KCNU1: variants seen among roughly 807,000 people sequenced by gnomAD.
KCNU1 encodes the protein potassium channel subfamily U member 1.
In KCNU1, 93 loss-of-function variants were observed where a neutral mutation model predicts 126.8. The ratio of observed to expected loss-of-function variants is 0.73; its 90% CI spans 0.62 to 0.87. The LOEUF is 0.87. Ranked by LOEUF, KCNU1 falls within the 40% of genes least tolerant of loss-of-function variation. The pLI, the probability that KCNU1 is intolerant of heterozygous loss-of-function variation, is 0.00. For synonymous variants in KCNU1, 523 were observed against 494.2 expected (o/e 1.06, Z -0.77); for missense variants, 1,330 against 1,367.1 (o/e 0.97, Z 0.43).
chr8:36,848,814 G>A (rs1401429859), intron 18 of KCNU1, among the ~76,000 whole-genome samples: 3 of 151,896 alleles, frequency 2.0e-5, no homozygotes, highest in Admixed American at 6.6e-5. Flanking sequence ...CTCCTTGCAC[G>A]TCAGACAAAT....
intron 19 of KCNU1, among the ~76,000 whole-genome samples, chr8:36,903,083 C>T (rs1285168343): frequency 1.3e-5 from 2 of 152,162 alleles, no homozygotes; most frequent in African/African-American, 4.8e-5. Flanking sequence ...ATTACCCTCT[C>T]TGACTTTCCA....
intron 18 of KCNU1, among the ~76,000 whole-genome samples, chr8:36,863,717 G>T (rs956787801): frequency 4.6e-5 from 7 of 152,100 alleles, no homozygotes; most frequent in African/African-American, 1.7e-4. Context: ...GGTTCAGGAA[G>T]AAGTAATGGC....
chr8:36,872,708 A>G (rs1256303070), intron 19 of KCNU1, among the ~76,000 whole-genome samples: 1 of 152,228 alleles, frequency 6.6e-6, no homozygotes. Context: ...AATTGAAGTC[A>G]AGGTCTGGAG....
At chr8:36,883,673 C>G (rs2117407851) in intron 19 of KCNU1, among the ~76,000 whole-genome samples, 1 of 152,196 alleles carries the variant, frequency 6.6e-6, no homozygotes, top group East Asian at 1.9e-4. Context: ...TGCCTGTAGT[C>G]CCAGCTACTT....
intron 19 of KCNU1, among the ~76,000 whole-genome samples, chr8:36,897,960 C>T (rs1432037041): frequency 1.3e-5 from 2 of 152,062 alleles, no homozygotes; most frequent in African/African-American, 4.8e-5. Flanking sequence ...CTTGATAGGT[C>T]GCTGGTACTA....
intron 19 of KCNU1, among the ~76,000 whole-genome samples, chr8:36,901,535 G>A (rs1807418775): frequency 6.6e-6 from 1 of 152,032 alleles, no homozygotes; most frequent in South Asian, 2.1e-4. Context: ...GCATATCAAA[G>A]CAACCCAAAG....
chr8:36,804,131 A>G lies in KCNU1; in HGVS notation c.377+43A>G, dbSNP rs376947724. 1.5e-4 allele frequency: 195 copies of G among 1,329,622 alleles called. No homozygotes were observed. In the African/African-American group the frequency reaches 2.4e-3, roughly 16 times the overall value. 82.4% of individuals were successfully genotyped at this position (1,329,622 alleles called of 1,614,324 possible). A position where few individuals can be genotyped will look rare whatever the true frequency, so the allele number is the denominator to read the frequency against. On this transcript the variant is annotated intron_variant, in intron 3 of 26. Coordinates refer to ENST00000399881, the MANE Select transcript of KCNU1 (RefSeq NM_001031836.3). ...TCACACTTGTCTGCTATATCAGTAC[A>G]TTGCTCGGCTAATTTGGAATTTTCT...
chr8:36,854,608 G>A (rs1805467571), intron 18 of KCNU1, among the ~76,000 whole-genome samples: 1 of 151,296 alleles, frequency 6.6e-6, no homozygotes, highest in Non-Finnish European at 1.5e-5. Context: ...TCTATTTTGT[G>A]AGACATCATT....
At chr8:36,826,033 T>G (rs1470056850) in intron 10 of KCNU1, among the ~76,000 whole-genome samples, 1 of 152,050 alleles carries the variant, frequency 6.6e-6, no homozygotes, top group African/African-American at 2.4e-5. Context: ...GATTGGTGTC[T>G]TTGATCATTT....
At chr8:36,848,517 C>T (rs766691953) in intron 18 of KCNU1, among the ~76,000 whole-genome samples, 3 of 152,178 alleles carry the variant, frequency 2.0e-5, no homozygotes, top group Admixed American at 6.5e-5. Context: ...CCAGTTTCCC[C>T]AGCACCATTA....
intron 19 of KCNU1, among the ~76,000 whole-genome samples, chr8:36,877,006 A>G (rs887467497): frequency 3.3e-5 from 5 of 152,168 alleles, no homozygotes; most frequent in Admixed American, 6.5e-5. Flanking sequence ...TTACTATACC[A>G]AATTAGAGAA....
chr8:36,930,878 C>T (rs1282928711), intron 24 of KCNU1, 73 bp from the exon 25 acceptor site: 1 of 1,066,760 alleles, frequency 9.4e-7, no homozygotes, highest in Non-Finnish European at 1.3e-6. Context: ...CACTAAATCT[C>T]CAAGCCTTTA....
At chr8:36,897,955 T>C (rs1210104254) in intron 19 of KCNU1, among the ~76,000 whole-genome samples, 2 of 152,130 alleles carry the variant, frequency 1.3e-5, no homozygotes. Context: ...TGCTTCTTGA[T>C]AGGTCGCTGG....
At chr8:36,911,723 C>T (rs1226180198) in intron 22 of KCNU1, among the ~76,000 whole-genome samples, 1 of 152,116 alleles carries the variant, frequency 6.6e-6, no homozygotes, top group Non-Finnish European at 1.5e-5. Context: ...TGTCTCTTTT[C>T]CCTTTGTGTT....
At chr8:36,935,415 T>C in intron 26 of KCNU1, 100 bp from the exon 27 acceptor site, 2 of 916,648 alleles carry the variant, frequency 2.2e-6, no homozygotes, top group Admixed American at 4.7e-5. Context: ...AAACGTTTCC[T>C]CTTTGGGCCC....
chr8:36,835,767 G>A (rs764984816), intron 12 of KCNU1, among the ~76,000 whole-genome samples: 2 of 152,154 alleles, frequency 1.3e-5, no homozygotes, highest in Non-Finnish European at 2.9e-5. Flanking sequence ...GGCTAATCCA[G>A]ATGAACTTCC....
Position 36,893,040 on chromosome 8 carries a change from C to T in KCNU1, c.2010-12668C>T, listed in dbSNP as rs539669961. Among the ~76,000 whole-genome samples, 71 of 152,288 alleles carry T rather than the reference C, an allele frequency of 4.7e-4. 1 individual carries two copies. In the South Asian group the frequency reaches 6.4e-3, roughly 14 times the overall value. ...GCAGTGGCATGATCTCAGCTCACTG[C>T]AACATCTGCCTCCTGGGATCAAGCA... On this transcript the variant is annotated intron_variant, in intron 19 of 26. Transcript: ENST00000399881.
intron 24 of KCNU1, among the ~76,000 whole-genome samples, chr8:36,926,878 G>A (rs146260841): frequency 1.3e-5 from 2 of 152,214 alleles, no homozygotes; most frequent in East Asian, 1.9e-4. Flanking sequence ...AAGAGCAGAT[G>A]CATTCAGGAC....
intron 10 of KCNU1, 21 bp from the exon 11 acceptor site, chr8:36,833,533 G>T: frequency 6.9e-7 from 1 of 1,447,632 alleles, no homozygotes; most frequent in East Asian, 2.3e-5. Flanking sequence ...CCTCATTGCT[G>T]CCACGTTCTT....
Sources: gnomAD v4.1 joint callset for allele counts (sites outside exome capture counted in the v4.1 genomes callset) on GRCh38, gnomAD v4.1.1 for gene constraint, MANE v1.5 for transcripts, NCBI Gene and HGNC (gene_info 2026-07-23, HGNC 2026-07-21) for gene names.